Variants in PSMC2 observed in about 807,000 individuals in gnomAD.
PSMC2 encodes the protein proteasome 26S subunit, ATPase 2, also known as 26S proteasome regulatory subunit 7.
PSMC2 carries 7 observed loss-of-function variants against 53.3 expected under a neutral mutation model. That is an observed-to-expected ratio of 0.13 (90% CI 0.07 to 0.25). The LOEUF is 0.25. Among genes scored for constraint, PSMC2 ranks in the 10% least tolerant of loss-of-function variants. The pLI is 1.00. For synonymous variants in PSMC2, 169 were observed against 183.9 expected, an observed-to-expected ratio of 0.92 and a Z score of 0.66; for missense variants, 241 against 544.0, an observed-to-expected ratio of 0.44 and a Z score of 5.54.
chr7:103,354,016 T>A (rs1271452482), intron 2 of PSMC2, 58 bp downstream of exon 2: 4 of 1,337,038 alleles, frequency 3.0e-6, no homozygotes, highest in Non-Finnish European at 4.1e-6. Flanking sequence ...AAAAACTGTT[T>A]TGGTATTGTC....
intron 4 of PSMC2, 82 bp downstream of exon 4, chr7:103,355,875 A>G: frequency 1.1e-6 from 1 of 928,460 alleles, no homozygotes; most frequent in Non-Finnish European, 1.6e-6. Context: ...ATAATGCAAT[A>G]GTTCATAAAT....
intron 4 of PSMC2, among the ~76,000 whole-genome samples, chr7:103,360,592 T>C (rs945338092): frequency 1.3e-5 from 2 of 152,208 alleles, no homozygotes; most frequent in African/African-American, 2.4e-5. Context: ...CTTTTAGCTC[T>C]ACCTATGTGC....
intron 1 of PSMC2, chr7:103,352,825 C>G: frequency 1.3e-6 from 1 of 780,566 alleles, no homozygotes; most frequent in East Asian, 2.4e-5. Context: ...GATTCCAGAG[C>G]TGGCATTCAA....
At chr7:103,355,820 T>TA (rs1320408938) in intron 4 of PSMC2, 27 bp downstream of exon 4, 1 of 1,500,934 alleles carries the variant, frequency 6.7e-7, no homozygotes, top group African/African-American at 1.4e-5. Context: ...TGTGGCAACT[T>TA]ACCTTTGTCT....
chr7:103,361,468 C>T (rs1278314197), intron 4 of PSMC2, among the ~76,000 whole-genome samples: 1 of 141,180 alleles, frequency 7.1e-6, no homozygotes, highest in African/African-American at 2.7e-5. Flanking sequence ...CAAGATCACA[C>T]CATTGTGTTT....
chr7:103,367,393 CTTTCCT>C lies in PSMC2; in HGVS notation c.845-16_845-11del. 3 of 1,612,052 alleles carry C rather than the reference CTTTCCT, an allele frequency of 1.9e-6. No individual in the cohort carries two copies. The highest frequency in any genetic ancestry group is 2.5e-6 in the Non-Finnish European group (3 of 1,179,332). ...TCTTGAGTGGACTTGAAGAGCTTATCTTTCCTTTTGTCTTCTCAGGGGCTCGTTTTG... is the reference window on the plus strand; with the variant it reads ...TCTTGAGTGGACTTGAAGAGCTTATCTTTGTCTTCTCAGGGGCTCGTTTTG... On this transcript the variant is annotated splice_polypyrimidine_tract_variant and intron_variant, in intron 9 of 11. Coordinates refer to ENST00000292644, the MANE Select transcript of PSMC2 (RefSeq NM_002803.4). The surrounding 1 kb of genome is among the most constrained non-coding windows in gnomAD (Gnocchi z 6.1).
At position 103,364,298 on chromosome 7, in the gene PSMC2, C is replaced by T. The variant is rs147608353; in HGVS notation, c.747C>T (p.Tyr249=). The change falls in exon 8 of 12, where the codon TAC becomes TAT. Residue 249 remains tyrosine (Y), a synonymous_variant. Transcript: ENST00000292644. ...RVIGSELVQK[Y]VGEGARMVRE... ...TTGGATCTGAGCTTGTACAGAAATA[C>T]GTCGGTGAGGTAAAGTAAATTTATC... 8.1e-6 allele frequency: 13 copies of T among 1,613,830 alleles called. No homozygotes were observed. The highest frequency in any genetic ancestry group is 5.3e-5 in the African/African-American group (4 of 75,026).
In PSMC2 at chr7:103,364,229, G is replaced by C. The variant is rs750692030; in HGVS notation, c.678G>C (p.Ala226=). ...GPPGTGKTLC[A]RAVANRTDAC... is the part of the protein sequence containing the mutation. ...CCGGTACAGGCAAGACACTCTGTGC[G>C]CGGGCAGTTGCTAATCGGACTGATG... is the stretch of plus-strand genomic sequence containing the variant. The change falls in exon 8 of 12, where the codon GCG becomes GCC. Residue 226 remains alanine, a synonymous_variant. Coordinates refer to ENST00000292644, the MANE Select transcript of PSMC2 (RefSeq NM_002803.4). 1 of 1,614,180 alleles carries C rather than the reference G, an allele frequency of 6.2e-7. No homozygotes were observed.
At chr7:103,363,932 A>G (rs1162621529) in intron 7 of PSMC2, among the ~76,000 whole-genome samples, 1 of 152,248 alleles carries the variant, frequency 6.6e-6, no homozygotes, top group Non-Finnish European at 1.5e-5. Flanking sequence ...ATGTATTGAT[A>G]GAAGTCCAGT....
rs1820704618 is a variant in PSMC2 at position 103,366,085 on chromosome 7, A to G, written c.766A>G (p.Met256Val). ...VQKYVGEGARMVRELFEMART... is the reference protein window; with the variant it reads ...VQKYVGEGARVVRELFEMART... ...TCATTTTTCTCATTAGGGGGCTCGAATGGTTCGTGAACTCTTTGAAATGGC... is the reference window on the plus strand; with the variant it reads ...TCATTTTTCTCATTAGGGGGCTCGAGTGGTTCGTGAACTCTTTGAAATGGC... Residue 256 changes from methionine to valine, a missense_variant, in exon 9 of 12, where the codon ATG (methionine) becomes GTG (valine). Coordinates refer to ENST00000292644, the MANE Select transcript of PSMC2 (RefSeq NM_002803.4). 1 of 1,611,720 alleles carries G rather than the reference A, an allele frequency of 6.2e-7. No individual in the cohort carries two copies. The highest frequency in any genetic ancestry group is 8.5e-7 in the Non-Finnish European group (1 of 1,179,280).
At position 103,347,793 on chromosome 7, in the gene PSMC2, T is replaced by G. The variant is rs377639949; in HGVS notation, c.70+12T>G. The G allele has an allele frequency of 3.7e-6, 6 of 1,613,626 alleles. No homozygotes were observed. In the Admixed American group the frequency reaches 5.0e-5, roughly 13 times the overall value. Reference sequence around the variant, plus strand: ...CAAGCCCATCCGAGGTCAGTTGACATGGGCCGGAGCTCGGAGCTGGGGCGG... The same window carrying G: ...CAAGCCCATCCGAGGTCAGTTGACAGGGGCCGGAGCTCGGAGCTGGGGCGG... On this transcript the variant is annotated intron_variant, in intron 1 of 11. Transcript: ENST00000292644.
intron 4 of PSMC2, 145 bp from the exon 5 acceptor site, chr7:103,361,812 A>G (rs900692817): frequency 1.4e-6 from 1 of 714,938 alleles, no homozygotes. Flanking sequence ...GGAGTTGGGT[A>G]TAGAAAAGGA....
Position 103,364,029 on chromosome 7 carries a change from A to G in PSMC2, c.592-114A>G, listed in dbSNP as rs556239820. The stretch of plus-strand genomic sequence containing the variant: ...ACTTAATAATTTTGATTTAAATATT[A>G]AAGTATGGTTTTCAGGATAAAATAC... On this transcript the variant is annotated intron_variant, in intron 7 of 11. Coordinates refer to ENST00000292644, the MANE Select transcript of PSMC2 (RefSeq NM_002803.4). The G allele has an allele frequency of 8.8e-4, 864 of 976,530 alleles. 14 individuals are homozygous for G. The South Asian group carries it at 0.012, about 14-fold the overall frequency. The allele number at this position is 976,530 out of a possible 1,614,324, so 60.5% of individuals were successfully genotyped here. A position where few individuals can be genotyped will look rare whatever the true frequency, so the allele number is the denominator to read the frequency against.
chr7:103,358,211 C>T (rs564577058), intron 4 of PSMC2, among the ~76,000 whole-genome samples: 1 of 152,238 alleles, frequency 6.6e-6, no homozygotes, highest in East Asian at 1.9e-4. Context: ...CAGTGTTACT[C>T]TGAAGCCATT....
chr7:103,352,339 T>TCA (rs1819772771), intron 1 of PSMC2, among the ~76,000 whole-genome samples: 1 of 149,516 alleles, frequency 6.7e-6, no homozygotes, highest in African/African-American at 2.5e-5. Flanking sequence ...CTGTGAATGG[T>TCA]CAGTTGGGAA....
chr7:103,352,405 AT>A (rs1819776540), intron 1 of PSMC2, among the ~76,000 whole-genome samples: 1 of 142,940 alleles, frequency 7.0e-6, no homozygotes, highest in African/African-American at 2.6e-5. Flanking sequence ...ATAGATTATA[AT>A]CTTTTTTTTT....
intron 6 of PSMC2, among the ~76,000 whole-genome samples, chr7:103,363,099 T>TTA (rs1820508094): frequency 6.6e-6 from 1 of 152,136 alleles, no homozygotes; most frequent in Non-Finnish European, 1.5e-5. Flanking sequence ...CGGCAGTATT[T>TTA]TATATATATA....
intron 1 of PSMC2, chr7:103,348,877 G>T: frequency 2.0e-6 from 1 of 509,264 alleles, no homozygotes. Context: ...TCTTGTTTAT[G>T]TAACTTTTAC....
At position 103,367,573 on chromosome 7, in the gene PSMC2, G is replaced by A. The variant is rs1218156560; in HGVS notation, c.1005G>A (p.Gly335=). The change falls in exon 10 of 12, where the codon GGG becomes GGA. Residue 335 remains glycine (G), a synonymous_variant. Coordinates refer to ENST00000292644, the MANE Select transcript of PSMC2 (RefSeq NM_002803.4). This position sits in a 1 kb window ranked among gnomAD's most constrained non-coding sequence, Gnocchi z 6.1. ...DTLDPALMRP[G]RLDRKIEFSL... The stretch of plus-strand genomic sequence containing the variant: ...TGGATCCAGCACTGATGAGGCCAGG[G>A]AGATTGGATAGAAAAATTGAATTTA... 1 of 1,614,184 alleles carries A rather than the reference G, an allele frequency of 6.2e-7. No homozygotes were observed. Among genetic ancestry groups the A allele is most frequent in the East Asian group, 2.2e-5 (1 of 44,888 alleles).
Sources: allele counts gnomAD v4.1 joint callset (sites outside exome capture counted in the v4.1 genomes callset), GRCh38; gene constraint gnomAD v4.1.1; non-coding constraint Gnocchi (gnomAD v3.1); transcripts MANE v1.5; gene names NCBI Gene and HGNC (gene_info 2026-07-23, HGNC 2026-07-21).